The following TBC1D22A variants were observed in gnomAD, a reference collection of about 807,000 sequenced individuals.
The protein encoded by TBC1D22A is TBC1 domain family member 22A.
In TBC1D22A, 38 loss-of-function variants were observed where a neutral mutation model predicts 60.2. The observed-to-expected ratio is 0.63, with a 90% CI of 0.49 to 0.83. TBC1D22A has a LOEUF of 0.83. TBC1D22A is among the 40% of genes least tolerant of loss of function. The pLI is 0.00. For synonymous variants in TBC1D22A, 302 were observed against 281.7 expected (o/e 1.07, Z -0.72); for missense variants, 628 against 701.0 (o/e 0.90, Z 1.18).
chr22:46,795,118 GA>G (rs1466286222), intron 3 of TBC1D22A, among the ~76,000 whole-genome samples: 5 of 152,234 alleles, frequency 3.3e-5, no homozygotes, highest in Admixed American at 2.6e-4. Context: ...TAAAGTCTTT[GA>G]ACTCGTAACT....
At chr22:46,822,525 G>T (rs2085875817) in intron 4 of TBC1D22A, among the ~76,000 whole-genome samples, 1 of 152,084 alleles carries the variant, frequency 6.6e-6, no homozygotes, top group Non-Finnish European at 1.5e-5. Context: ...CAGTTTGCTG[G>T]GGGTTCACTT....
In TBC1D22A at chr22:46,945,551, C is replaced by T. The variant is rs192106330; in HGVS notation, c.1016-28739C>T. Among the ~76,000 whole-genome samples, 597 of 152,312 alleles carry T rather than the reference C, an allele frequency of 3.9e-3. 5 individuals carry two copies. Among genetic ancestry groups the T allele is most frequent in the African/African-American group, 0.014 (570 of 41,552 alleles). Reference sequence around the variant, plus strand: ...GATCCTAACCCAGGCTGCAGCTGTGCTGACGGCATTTCTCGTTATGGGGAA... The same window carrying T: ...GATCCTAACCCAGGCTGCAGCTGTGTTGACGGCATTTCTCGTTATGGGGAA... On this transcript the variant is annotated intron_variant, in intron 8 of 12. Coordinates refer to ENST00000337137, the MANE Select transcript of TBC1D22A (RefSeq NM_014346.5).
intron 8 of TBC1D22A, among the ~76,000 whole-genome samples, chr22:46,943,565 C>T (rs2072315367): frequency 6.6e-6 from 1 of 152,230 alleles, no homozygotes; most frequent in African/African-American, 2.4e-5. Flanking sequence ...CTTGTGTATT[C>T]CGCCTGGTCC....
chr22:46,844,019 G>A (rs893874865), intron 4 of TBC1D22A, among the ~76,000 whole-genome samples: 4 of 151,716 alleles, frequency 2.6e-5, no homozygotes, highest in South Asian at 2.1e-4. Context: ...GGTCTTGAGG[G>A]TCACACGGTC....
At chr22:47,053,585 A>T (rs1487385693) in intron 11 of TBC1D22A, among the ~76,000 whole-genome samples, 10 of 152,250 alleles carry the variant, frequency 6.6e-5, no homozygotes, top group Admixed American at 5.9e-4. Context: ...CAGAAAGGCC[A>T]AGCCCTCAGA....
chr22:46,943,226 A>G (rs1487280227), intron 8 of TBC1D22A, among the ~76,000 whole-genome samples: 2 of 151,938 alleles, frequency 1.3e-5, no homozygotes, highest in African/African-American at 4.8e-5. Context: ...CGCGGCATCC[A>G]TCTCGGTGTA....
chr22:46,970,061 C>T (rs559124424), intron 8 of TBC1D22A, among the ~76,000 whole-genome samples: 8 of 152,214 alleles, frequency 5.3e-5, no homozygotes, highest in African/African-American at 1.7e-4. Context: ...AGGTTGTATA[C>T]ATCTCCCCTC....
At chr22:47,043,886 G>C (rs1355268010) in intron 11 of TBC1D22A, among the ~76,000 whole-genome samples, 1 of 134,692 alleles carries the variant, frequency 7.4e-6, no homozygotes, top group Non-Finnish European at 1.6e-5. Context: ...GACTCAGGTG[G>C]GGCCATGTGG....
At chr22:46,967,308 T>C (rs1427535166) in intron 8 of TBC1D22A, among the ~76,000 whole-genome samples, 1 of 152,230 alleles carries the variant, frequency 6.6e-6, no homozygotes, top group African/African-American at 2.4e-5. Flanking sequence ...AGGACTTTTT[T>C]CTCCATCCTG....
chr22:46,987,015 C>T (rs916526483), intron 9 of TBC1D22A, among the ~76,000 whole-genome samples: 10 of 152,220 alleles, frequency 6.6e-5, no homozygotes, highest in South Asian at 6.2e-4. Flanking sequence ...GGCCTCTCCA[C>T]GCGCTGATTG....
chr22:47,060,498 TCGGCTCA>T lies in TBC1D22A; in HGVS notation c.1329+23302_1329+23308del, dbSNP rs1352975753. Among the ~76,000 whole-genome samples the T allele has an allele frequency of 3.9e-5, 6 of 152,154 alleles. No homozygotes were observed. The East Asian group carries it at 1.2e-3, about 29-fold the overall frequency. ...CAGGCTAGAGTGCAGTGGCACAATC[TCGGCTCA>T]CTGCAACCTCCGCTTCCCGGGTTCA... On this transcript the variant is annotated intron_variant, in intron 11 of 12. Transcript: ENST00000337137.
At chr22:46,943,281 G>A (rs1401463138) in intron 8 of TBC1D22A, among the ~76,000 whole-genome samples, 4 of 152,236 alleles carry the variant, frequency 2.6e-5, no homozygotes, top group Non-Finnish European at 5.9e-5. Flanking sequence ...AGGTGGTGGA[G>A]TTGGACTGGA....
chr22:46,965,453 C>T (rs374710132), intron 8 of TBC1D22A, among the ~76,000 whole-genome samples: 11 of 152,320 alleles, frequency 7.2e-5, no homozygotes, highest in African/African-American at 1.2e-4. Flanking sequence ...TGTCTGGGCT[C>T]GGCAGAGCTC....
At chr22:47,086,192 C>T (rs1221171367) in intron 11 of TBC1D22A, among the ~76,000 whole-genome samples, 1 of 152,130 alleles carries the variant, frequency 6.6e-6, no homozygotes, top group African/African-American at 2.4e-5. Flanking sequence ...TGGCCGAGCG[C>T]GGTGGCTCAT....
chr22:46,861,623 C>A (rs993019899), intron 4 of TBC1D22A, among the ~76,000 whole-genome samples: 1 of 152,238 alleles, frequency 6.6e-6, no homozygotes, highest in South Asian at 2.1e-4. Context: ...CCAGCGGTGC[C>A]CATGTTCTAC....
At chr22:46,850,954 G>A (rs1202929859) in intron 4 of TBC1D22A, among the ~76,000 whole-genome samples, 1 of 152,182 alleles carries the variant, frequency 6.6e-6, no homozygotes, top group East Asian at 1.9e-4. Flanking sequence ...CTATTTATAT[G>A]AAATGTGCAA....
intron 12 of TBC1D22A, among the ~76,000 whole-genome samples, chr22:47,149,653 G>A (rs1418998558): frequency 2.0e-5 from 3 of 152,000 alleles, no homozygotes; most frequent in African/African-American, 4.9e-5. Context: ...TGGCAGAGCC[G>A]GCAGGGCTGC....
chr22:46,869,053 C>T (rs747342017), intron 4 of TBC1D22A, among the ~76,000 whole-genome samples: 5 of 152,218 alleles, frequency 3.3e-5, no homozygotes, highest in Admixed American at 2.0e-4. Flanking sequence ...TGCGCCGCTC[C>T]GCTGCCTCCC....
At chr22:46,944,231 C>T (rs142952561) in intron 8 of TBC1D22A, among the ~76,000 whole-genome samples, 2 of 152,332 alleles carry the variant, frequency 1.3e-5, no homozygotes, top group African/African-American at 4.8e-5. Flanking sequence ...AGCCATCCTA[C>T]TGGGTATAAA....
Sources: gnomAD v4.1 joint callset for allele counts (sites outside exome capture counted in the v4.1 genomes callset) on GRCh38, gnomAD v4.1.1 for gene constraint, MANE v1.5 for transcripts, NCBI Gene and HGNC (gene_info 2026-07-23, HGNC 2026-07-21) for gene names.